RRAGD: variants seen among roughly 807,000 people sequenced by gnomAD.
RRAGD encodes ras-related GTP-binding protein D.
A neutral mutation model predicts 35.5 loss-of-function variants in RRAGD; 12 were observed. The observed-to-expected ratio is 0.34, with a 90% confidence interval of 0.22 to 0.55. The LOEUF (loss-of-function observed/expected upper bound fraction) is 0.55. Ranked by LOEUF, RRAGD falls within the 20% of genes least tolerant of loss-of-function variation. The pLI is 0.91. For missense variants in RRAGD, 324 were observed against 490.1 expected (o/e 0.66, Z 3.20); for synonymous variants, 155 against 178.9 (o/e 0.87, Z 1.07).
At chr6:89,395,875 A>C (rs1205858572) in intron 1 of RRAGD, among the ~76,000 whole-genome samples, 1 of 152,184 alleles carries the variant, frequency 6.6e-6, no homozygotes, top group Non-Finnish European at 1.5e-5. Context: ...TTACATAGAC[A>C]AATGATTTTT....
At chr6:89,405,223 G>A (rs185179743) in intron 1 of RRAGD, among the ~76,000 whole-genome samples, 35 of 151,934 alleles carry the variant, frequency 2.3e-4, no homozygotes, top group Middle Eastern at 6.8e-3. Flanking sequence ...GTGTGGCAGC[G>A]TGCGCCTGTA....
chr6:89,372,669 C>T, intron 5 of RRAGD, 84 bp from the exon 6 acceptor site: 1 of 1,366,340 alleles, frequency 7.3e-7, no homozygotes, highest in South Asian at 1.5e-5. Context: ...CGGCTTTAAG[C>T]CACAAAAAGT....
At chr6:89,402,038 A>ATTTTTTTTTTTTCT (rs61239155) in intron 1 of RRAGD, among the ~76,000 whole-genome samples, 1 of 78,440 alleles carries the variant, frequency 1.3e-5, no homozygotes, top group African/African-American at 6.3e-5. Context: ...AATCCTAAGG[A>ATTTTTTTTTTTTCT]TTTTTTTTTT....
intron 1 of RRAGD, among the ~76,000 whole-genome samples, chr6:89,406,830 T>C (rs941707498): frequency 1.3e-5 from 2 of 152,144 alleles, no homozygotes; most frequent in African/African-American, 4.8e-5. Flanking sequence ...CTTCAGGAGC[T>C]GTAAACATCC....
intron 1 of RRAGD, among the ~76,000 whole-genome samples, chr6:89,409,792 G>A (rs1185543594): frequency 6.6e-6 from 1 of 152,246 alleles, no homozygotes; most frequent in Admixed American, 6.5e-5. Flanking sequence ...AATCTGGAAA[G>A]AACAGAGGCC....
rs576370999 is a variant in RRAGD at position 89,411,131 on chromosome 6, T to C, written c.148+715A>G. ...TTCTAGAACAGGAAAAAGAGTTTGCTTCACTATTGAAGCAAAGAATTCCCC... is the reference window on the plus strand; with the variant it reads ...TTCTAGAACAGGAAAAAGAGTTTGCCTCACTATTGAAGCAAAGAATTCCCC... On this transcript the variant is annotated intron_variant, in intron 1 of 6. Transcript: ENST00000369415. This position sits in a 1 kb window ranked among gnomAD's most constrained non-coding sequence, Gnocchi z 5.6. Among the ~76,000 whole-genome samples, 1 of 152,214 alleles carries C rather than the reference T, an allele frequency of 6.6e-6. No homozygotes were observed. Among genetic ancestry groups the C allele is most frequent in the Non-Finnish European group, 1.5e-5 (1 of 68,038 alleles).
chr6:89,370,308 C>CA (rs1768834118), intron 6 of RRAGD, among the ~76,000 whole-genome samples: 2 of 152,090 alleles, frequency 1.3e-5, no homozygotes, highest in Non-Finnish European at 2.9e-5. Context: ...CCAAAGGACA[C>CA]AAAAGGCAAT....
intron 1 of RRAGD, among the ~76,000 whole-genome samples, chr6:89,402,591 G>C (rs1387383807): frequency 6.6e-6 from 1 of 152,172 alleles, no homozygotes; most frequent in Non-Finnish European, 1.5e-5. Flanking sequence ...CAGCCACCAA[G>C]AAGGTTAGGG....
chr6:89,409,040 T>C (rs1341731277), intron 1 of RRAGD, among the ~76,000 whole-genome samples: 1 of 152,154 alleles, frequency 6.6e-6, no homozygotes, highest in Non-Finnish European at 1.5e-5. Context: ...ACTTTTGCTA[T>C]TCATGAATAA....
chr6:89,399,233 G>C (rs976346654), intron 1 of RRAGD, among the ~76,000 whole-genome samples: 14 of 152,212 alleles, frequency 9.2e-5, no homozygotes, highest in African/African-American at 3.4e-4. Flanking sequence ...ACTGTGAAGG[G>C]GGGAGGGAGT....
rs1769226317 is a variant in RRAGD at position 89,391,181 on chromosome 6, T to TC, written c.149-3592dup. Among the ~76,000 whole-genome samples, 14 of 152,118 alleles carry TC rather than the reference T, an allele frequency of 9.2e-5. No homozygotes were observed. In the South Asian group the frequency reaches 2.7e-3, roughly 29 times the overall value. ...AGGAGGGTTGCTTGAGGCCAGGAGT[T>TC]CAAGATCAGCCTGGGCAACATAGTA... On this transcript the variant is annotated intron_variant, in intron 1 of 6. Transcript: ENST00000369415.
intron 3 of RRAGD, among the ~76,000 whole-genome samples, chr6:89,379,788 T>C (rs1769011380): frequency 1.3e-5 from 2 of 152,270 alleles, no homozygotes; most frequent in South Asian, 4.1e-4. Context: ...TGTTTTCCTT[T>C]GTGAGGATTC....
chr6:89,380,021 T>A lies in RRAGD; in HGVS notation c.644+147A>T, dbSNP rs905154886. The A allele has an allele frequency of 6.0e-5, 43 of 713,250 alleles. No homozygotes were observed. The African/African-American group carries it at 6.9e-4, about 11-fold the overall frequency. The allele number at this position is 713,250 out of a possible 1,614,324, so 44.2% of individuals were successfully genotyped here. A position where few individuals can be genotyped will look rare whatever the true frequency, so the allele number is the denominator to read the frequency against. ...AGCATTAGCACATGCAAAGCTCATT[T>A]TCCCCTAATCCTATCCATCTACAGC... On this transcript the variant is annotated intron_variant, in intron 3 of 6. Transcript: ENST00000369415.
At chr6:89,395,249 G>A (rs1002295033) in intron 1 of RRAGD, among the ~76,000 whole-genome samples, 5 of 152,106 alleles carry the variant, frequency 3.3e-5, no homozygotes, top group African/African-American at 1.2e-4. Flanking sequence ...ACAGAGTTAA[G>A]AACCTGTCTC....
At chr6:89,373,458 C>T (rs1768885274) in intron 5 of RRAGD, among the ~76,000 whole-genome samples, 1 of 151,944 alleles carries the variant, frequency 6.6e-6, no homozygotes, top group Non-Finnish European at 1.5e-5. Context: ...ACTAAAAATA[C>T]AAAAATTAGA....
At chr6:89,410,391 G>C (rs993958883) in intron 1 of RRAGD, among the ~76,000 whole-genome samples, 2 of 152,198 alleles carry the variant, frequency 1.3e-5, no homozygotes, top group Non-Finnish European at 2.9e-5. Flanking sequence ...AAGAATCTGG[G>C]AGGAGCTAAC....
At chr6:89,396,725 C>A (rs1769339994) in intron 1 of RRAGD, among the ~76,000 whole-genome samples, 1 of 141,632 alleles carries the variant, frequency 7.1e-6, no homozygotes, top group East Asian at 2.2e-4. Context: ...AACCAATGAC[C>A]CAATTTTTTT....
At chr6:89,368,501 C>T (rs183152645) in intron 6 of RRAGD, among the ~76,000 whole-genome samples, 1 of 151,404 alleles carries the variant, frequency 6.6e-6, no homozygotes, top group African/African-American at 2.4e-5. Flanking sequence ...CTGAACTGAA[C>T]TTTTTTTTTA....
chr6:89,409,625 C>T (rs1769656275), intron 1 of RRAGD, among the ~76,000 whole-genome samples: 1 of 152,232 alleles, frequency 6.6e-6, no homozygotes, highest in Admixed American at 6.5e-5. Context: ...CTCCTCCTCC[C>T]AATCCCCACT....
Sources: gnomAD v4.1 joint callset for allele counts (sites outside exome capture counted in the v4.1 genomes callset) on GRCh38, gnomAD v4.1.1 for gene constraint, Gnocchi (gnomAD v3.1) non-coding constraint, MANE v1.5 for transcripts, NCBI Gene and HGNC (gene_info 2026-07-23, HGNC 2026-07-21) for gene names.